THSD7B: variants seen among roughly 807,000 people sequenced by gnomAD.
THSD7B encodes the protein thrombospondin type 1 domain containing 7B.
In THSD7B, 138 loss-of-function variants were observed where a neutral mutation model predicts 213.6. The observed-to-expected ratio is 0.65, with a 90% CI of 0.56 to 0.74. The LOEUF is 0.74. Ranked by LOEUF, THSD7B falls within the 30% of genes least tolerant of loss-of-function variation. The pLI is 0.00. For missense variants in THSD7B, 1,931 were observed against 1,991.5 expected, an observed-to-expected ratio of 0.97 and a Z score of 0.58; for synonymous variants, 742 against 687.0, an observed-to-expected ratio of 1.08 and a Z score of -1.25.
chr2:136,902,728 G>A (rs964707012), intron 2 of THSD7B, among the ~76,000 whole-genome samples: 14 of 152,182 alleles, frequency 9.2e-5, no homozygotes, highest in African/African-American at 3.4e-4. Context: ...CAGGAGAAAG[G>A]ACAGATGAAG....
At chr2:137,283,158 CT>C (rs898963268) in intron 12 of THSD7B, among the ~76,000 whole-genome samples, 3 of 152,086 alleles carry the variant, frequency 2.0e-5, no homozygotes, top group African/African-American at 7.2e-5. Context: ...ATTTTATTCT[CT>C]TTGAAGCAAT....
chr2:137,437,586 A>T (rs983941248), intron 14 of THSD7B, among the ~76,000 whole-genome samples: 2 of 152,184 alleles, frequency 1.3e-5, no homozygotes, highest in African/African-American at 4.8e-5. Context: ...AAAGCAACAG[A>T]TTACAGAAGT....
intron 7 of THSD7B, among the ~76,000 whole-genome samples, chr2:137,193,306 G>C (rs1383850833): frequency 6.6e-6 from 1 of 152,148 alleles, no homozygotes; most frequent in Admixed American, 6.6e-5. Context: ...ATGATAAATT[G>C]ATAATTTATA....
At chr2:137,350,464 CA>C (rs1197263845) in intron 12 of THSD7B, among the ~76,000 whole-genome samples, 1 of 151,744 alleles carries the variant, frequency 6.6e-6, no homozygotes, top group Non-Finnish European at 1.5e-5. Flanking sequence ...TGGAGAAAGT[CA>C]GAGAGTGGCA....
chr2:136,802,045 T>A (rs1015991674), intron 1 of THSD7B, among the ~76,000 whole-genome samples: 1 of 152,136 alleles, frequency 6.6e-6, no homozygotes, highest in Non-Finnish European at 1.5e-5. Context: ...AATAATTGTT[T>A]AATAAGCAAT....
At chr2:137,283,795 G>T (rs1409649051) in intron 12 of THSD7B, among the ~76,000 whole-genome samples, 1 of 152,128 alleles carries the variant, frequency 6.6e-6, no homozygotes, top group Non-Finnish European at 1.5e-5. Context: ...GCTGGATTCG[G>T]TTTGCCAGTA....
chr2:137,294,583 C>CAAAAAAAAAAAAA (rs1210363889), intron 12 of THSD7B, among the ~76,000 whole-genome samples: 38 of 73,218 alleles, frequency 5.2e-4, no homozygotes, highest in African/African-American at 1.8e-3. Context: ...AACTCCATCT[C>CAAAAAAAAAAAAA]AAAAAAAAAA....
At chr2:137,616,570 A>C (rs919840082) in intron 18 of THSD7B, among the ~76,000 whole-genome samples, 2 of 152,200 alleles carry the variant, frequency 1.3e-5, no homozygotes, top group Non-Finnish European at 2.9e-5. Context: ...ACATTTCAGC[A>C]AAATGTTGAT....
chr2:137,651,270 C>T (rs922412417), intron 21 of THSD7B, among the ~76,000 whole-genome samples: 2 of 151,418 alleles, frequency 1.3e-5, no homozygotes, highest in Admixed American at 6.6e-5. Flanking sequence ...CGTTTGTTGC[C>T]ATTTTCTATT....
intron 1 of THSD7B, among the ~76,000 whole-genome samples, chr2:136,827,588 C>A (rs1682668925): frequency 6.6e-6 from 1 of 152,126 alleles, no homozygotes; most frequent in South Asian, 2.1e-4. Flanking sequence ...CAGAAAGAAC[C>A]TCCCAGCTTC....
chr2:137,373,541 GGTT>G (rs1685581969), intron 12 of THSD7B, among the ~76,000 whole-genome samples: 2 of 152,036 alleles, frequency 1.3e-5, no homozygotes. Context: ...TTGTTGATGG[GGTT>G]GTTTGTTTTT....
intron 21 of THSD7B, among the ~76,000 whole-genome samples, chr2:137,650,795 G>A (rs1302083948): frequency 6.6e-6 from 1 of 152,104 alleles, no homozygotes; most frequent in Non-Finnish European, 1.5e-5. Context: ...ATCATAAAGG[G>A]ATATTGAATT....
chr2:137,391,951 T>C (rs1686037799), intron 12 of THSD7B, among the ~76,000 whole-genome samples: 1 of 152,250 alleles, frequency 6.6e-6, no homozygotes, highest in Non-Finnish European at 1.5e-5. Context: ...GCTTCCATTT[T>C]TATTTGTTTC....
At chr2:137,565,341 AT>A (rs1336689911) in intron 16 of THSD7B, among the ~76,000 whole-genome samples, 1 of 152,158 alleles carries the variant, frequency 6.6e-6, no homozygotes, top group Non-Finnish European at 1.5e-5. Flanking sequence ...TTCCAAGGAC[AT>A]GGCAGCAGCT....
chr2:137,070,337 AT>A (rs1687456595), intron 3 of THSD7B, among the ~76,000 whole-genome samples: 2 of 151,714 alleles, frequency 1.3e-5, no homozygotes, highest in Non-Finnish European at 2.9e-5. Context: ...GCCATAGTTT[AT>A]TTGAACAAAT....
chr2:137,198,625 C>T (rs1680814377), intron 7 of THSD7B, among the ~76,000 whole-genome samples: 2 of 152,066 alleles, frequency 1.3e-5, no homozygotes, highest in Non-Finnish European at 2.9e-5. Flanking sequence ...TACATATATG[C>T]ACTTTAAGTG....
rs1422828846 is a variant in THSD7B at position 137,370,849 on chromosome 2, A to G, written c.2501-34764A>G. Among the ~76,000 whole-genome samples, 4 of 152,250 alleles carry G rather than the reference A, an allele frequency of 2.6e-5. No individual in the cohort carries two copies. The South Asian group carries it at 6.2e-4, about 24-fold the overall frequency. ...ACTTCCCATCTTCTCCAAAAGTTATATAATTTCATTAATTAATATATTCAG... is the reference window on the plus strand; with the variant it reads ...ACTTCCCATCTTCTCCAAAAGTTATGTAATTTCATTAATTAATATATTCAG... On this transcript the variant is annotated intron_variant, in intron 12 of 27. Coordinates refer to ENST00000409968, the MANE Select transcript of THSD7B (RefSeq NM_001316349.2).
chr2:137,174,652 T>A (rs6430685), intron 7 of THSD7B, among the ~76,000 whole-genome samples: 145,384 of 152,236 alleles, frequency 0.95, 69,496 homozygotes, highest in East Asian at 1. Context: ...ATAGCAAACA[T>A]TATGTTAGTC....
At chr2:137,572,088 C>T (rs1180740643) in intron 16 of THSD7B, among the ~76,000 whole-genome samples, 1 of 152,172 alleles carries the variant, frequency 6.6e-6, no homozygotes, top group Non-Finnish European at 1.5e-5. Flanking sequence ...GCACTCAGTG[C>T]TGGACCTGAG....
Sources: gnomAD v4.1 joint callset for allele counts (sites outside exome capture counted in the v4.1 genomes callset) on GRCh38, gnomAD v4.1.1 for gene constraint, MANE v1.5 for transcripts, NCBI Gene and HGNC (gene_info 2026-07-23, HGNC 2026-07-21) for gene names.